The following GPC3 variants were observed in gnomAD, a reference collection of about 807,000 sequenced individuals.
The protein encoded by GPC3 is glypican-3.
A neutral mutation model predicts 34.4 loss-of-function variants in GPC3; 3 were observed. That is an observed-to-expected ratio of 0.09 (90% CI 0.04 to 0.23). The LOEUF (loss-of-function observed/expected upper bound fraction) is 0.23. GPC3 is among the 10% of genes least tolerant of loss of function. GPC3 has a pLI of 1.00. For synonymous variants in GPC3, 177 were observed against 174.0 expected (o/e 1.02, Z -0.13); for missense variants, 351 against 445.6 (o/e 0.79, Z 1.91).
At chrX:133,565,439 A>G (rs2069573937) in intron 7 of GPC3, among the ~76,000 whole-genome samples, 1 of 112,296 alleles carries the variant, frequency 8.9e-6, no homozygotes, top group Admixed American at 9.4e-5. Context: ...TGCTGTATAT[A>G]TAGCCTCTTT....
At chrX:133,872,107 CACCAGTT>C (rs1487795838) in intron 2 of GPC3, among the ~76,000 whole-genome samples, 25 of 111,735 alleles carry the variant, frequency 2.2e-4, no homozygotes, top group Admixed American at 7.6e-4. Context: ...CCACATCCAG[CACCAGTT>C]ACCTTTTATG....
rs775110101 is a variant in GPC3, at chrX:133,687,092, A to ATTTTTTT, written c.1292+5270_1292+5276dup. Among the ~76,000 whole-genome samples, 387 of 69,232 alleles carry ATTTTTTT rather than the reference A, an allele frequency of 5.6e-3. 10 individuals carry two copies. Among genetic ancestry groups the ATTTTTTT allele is most frequent in the African/African-American group, 0.03 (373 of 12,636 alleles). The allele number at this position is 69,232 out of a possible 115,157, so 60.1% of individuals were successfully genotyped here. On this transcript the variant is annotated intron_variant, in intron 5 of 7. Coordinates refer to ENST00000370818, the MANE Select transcript of GPC3 (RefSeq NM_004484.4). The stretch of plus-strand genomic sequence containing the variant: ...GGGCACCTGCCACCATGGCCGGCTA[A>ATTTTTTT]TTTTTTTTTTTTTTTTTTTTTTTGT...
chrX:133,858,171 C>G (rs753355051), intron 2 of GPC3, among the ~76,000 whole-genome samples: 5 of 111,935 alleles, frequency 4.5e-5, no homozygotes, highest in African/African-American at 1.6e-4. Flanking sequence ...CGAACTATCA[C>G]TAATATTCCC....
intron 6 of GPC3, among the ~76,000 whole-genome samples, chrX:133,618,297 A>G (rs1398272552): frequency 1.8e-5 from 2 of 112,083 alleles, no homozygotes; most frequent in East Asian, 5.5e-4. Flanking sequence ...GCTCCTATAT[A>G]CTAAAAATAT....
chrX:133,912,575 T>C (rs1262438978), intron 2 of GPC3, among the ~76,000 whole-genome samples: 1 of 107,967 alleles, frequency 9.3e-6, no homozygotes, highest in East Asian at 2.9e-4. Flanking sequence ...GCCTGACTGA[T>C]TTTCAATCCT....
At chrX:133,745,924 A>G (rs776661197) in intron 3 of GPC3, among the ~76,000 whole-genome samples, 1 of 112,245 alleles carries the variant, frequency 8.9e-6, no homozygotes, top group East Asian at 2.8e-4. Context: ...GAAGATAGAG[A>G]TGATGTTTCC....
At chrX:133,972,459 C>T (rs915803069) in intron 1 of GPC3, among the ~76,000 whole-genome samples, 2 of 112,140 alleles carry the variant, frequency 1.8e-5, no homozygotes, top group African/African-American at 3.2e-5. Flanking sequence ...CAGGAGATAG[C>T]TGCCTCTGGT....
At chrX:133,626,970 T>G (rs912618014) in intron 6 of GPC3, among the ~76,000 whole-genome samples, 41 of 108,718 alleles carry the variant, frequency 3.8e-4, no homozygotes, top group African/African-American at 1.1e-3. Context: ...ATACACCATG[T>G]AATACTATGC....
At chrX:133,627,298 A>G (rs2070314652) in intron 6 of GPC3, among the ~76,000 whole-genome samples, 1 of 110,810 alleles carries the variant, frequency 9.0e-6, no homozygotes, top group Admixed American at 9.6e-5. Context: ...ATGTACCCTA[A>G]AACTTAAAAG....
chrX:133,585,429 G>A (rs1013525599), intron 7 of GPC3, among the ~76,000 whole-genome samples: 4 of 110,792 alleles, frequency 3.6e-5, no homozygotes, highest in African/African-American at 9.8e-5. Flanking sequence ...TTCAGCTTCT[G>A]TCTCACTCTG....
chrX:133,588,818 T>A (rs779198030), intron 7 of GPC3, among the ~76,000 whole-genome samples: 3 of 112,146 alleles, frequency 2.7e-5, no homozygotes, highest in Non-Finnish European at 5.6e-5. Flanking sequence ...GTTCAGATTA[T>A]AAAGTAACTA....
intron 2 of GPC3, among the ~76,000 whole-genome samples, chrX:133,768,098 C>G (rs2071869378): frequency 1.8e-5 from 2 of 110,774 alleles, no homozygotes; most frequent in South Asian, 7.7e-4. Context: ...AGTTGTCTTA[C>G]AAGGCCATCG....
At chrX:133,646,309 GT>G (rs772105344) in intron 6 of GPC3, among the ~76,000 whole-genome samples, 1 of 111,699 alleles carries the variant, frequency 9.0e-6, no homozygotes, top group East Asian at 2.8e-4. Context: ...GCCTAGTGAT[GT>G]CAGCAGAGAA....
chrX:133,910,273 GAATGT>G (rs1168927961), intron 2 of GPC3, among the ~76,000 whole-genome samples: 18 of 111,454 alleles, frequency 1.6e-4, no homozygotes, highest in Non-Finnish European at 3.4e-4. Context: ...AAAAGTAGTG[GAATGT>G]TTTATTGGTT....
At chrX:133,831,670 C>A (rs767515184) in intron 2 of GPC3, among the ~76,000 whole-genome samples, 2 of 111,728 alleles carry the variant, frequency 1.8e-5, no homozygotes, top group Non-Finnish European at 3.8e-5. Flanking sequence ...GCGGAGGTTG[C>A]GATGAGCTGA....
At chrX:133,822,752 T>C (rs1308935862) in intron 2 of GPC3, among the ~76,000 whole-genome samples, 1 of 111,050 alleles carries the variant, frequency 9.0e-6, no homozygotes, top group East Asian at 2.8e-4. Context: ...TTAAACTAAT[T>C]ACCACAGACT....
chrX:133,589,261 C>T (rs1883703985), intron 7 of GPC3, among the ~76,000 whole-genome samples: 1 of 111,887 alleles, frequency 8.9e-6, no homozygotes, highest in African/African-American at 3.3e-5. Flanking sequence ...ATAACTGCCA[C>T]GTGTTGTGAG....
chrX:133,686,768 AACACAC>A (rs762283767), intron 5 of GPC3, among the ~76,000 whole-genome samples: 2,355 of 97,993 alleles, frequency 0.024, 76 homozygotes, highest in African/African-American at 0.082. Context: ...ATTTTACCTC[AACACAC>A]ACACACACAC....
At chrX:133,662,765 A>G (rs2070738052) in intron 5 of GPC3, among the ~76,000 whole-genome samples, 1 of 111,884 alleles carries the variant, frequency 8.9e-6, no homozygotes, top group Non-Finnish European at 1.9e-5. Flanking sequence ...AAGAGAGAAA[A>G]AGGTTTTGAG....
Sources: gnomAD v4.1 joint callset for allele counts (sites outside exome capture counted in the v4.1 genomes callset) on GRCh38, gnomAD v4.1.1 for gene constraint, MANE v1.5 for transcripts, NCBI Gene and HGNC (gene_info 2026-07-23, HGNC 2026-07-21) for gene names.